RTL4: variants seen among roughly 807,000 people sequenced by gnomAD.
RTL4 encodes the protein retrotransposon Gag-like protein 4.
Under a neutral mutation model 5.3 loss-of-function variants are expected in RTL4, and 4 were observed. The observed-to-expected ratio is 0.75, with a 90% CI of 0.37 to 1.72. The LOEUF is 1.72. Ranked by LOEUF, RTL4 falls within the 40% of genes most tolerant of loss-of-function variation. The pLI, the probability that RTL4 is intolerant of heterozygous loss-of-function variation, is 0.04. For missense variants in RTL4, 260 were observed against 227.1 expected (o/e 1.14, Z -0.93); for synonymous variants, 98 against 87.3 (o/e 1.12, Z -0.68).
the RTL4 span, among the ~76,000 whole-genome samples, chrX:112,175,676 A>G: frequency 1.7e-4 from 19 of 111,591 alleles, no homozygotes; most frequent in African/African-American, 5.9e-4. Context: ...ACAAAATTCA[A>G]CAACGCTTCA....
At chrX:112,120,477 T>C in the RTL4 span, among the ~76,000 whole-genome samples, 5 of 110,443 alleles carry the variant, frequency 4.5e-5, no homozygotes, top group East Asian at 5.7e-4. Context: ...GGGGTTTCAC[T>C]GTGTTAGCCA....
At chrX:112,400,822 T>A in the RTL4 span, among the ~76,000 whole-genome samples, 1 of 111,700 alleles carries the variant, frequency 9.0e-6, no homozygotes, top group African/African-American at 3.3e-5. Context: ...ACTGTGCAAA[T>A]CTCTATAGTT....
the RTL4 span, among the ~76,000 whole-genome samples, chrX:112,129,511 C>A: frequency 8.9e-6 from 1 of 111,765 alleles, no homozygotes; most frequent in African/African-American, 3.3e-5. Context: ...TAGCAAAAAA[C>A]AAACAAACAA....
At chrX:112,164,823 C>T in the RTL4 span, among the ~76,000 whole-genome samples, 1 of 111,711 alleles carries the variant, frequency 9.0e-6, no homozygotes, top group Non-Finnish European at 1.9e-5. Context: ...CCTCTGGGTG[C>T]CTCCCTCAAT....
the RTL4 span, among the ~76,000 whole-genome samples, chrX:112,188,787 C>T: frequency 9.0e-6 from 1 of 111,135 alleles, no homozygotes; most frequent in Non-Finnish European, 1.9e-5. Context: ...ATCCCCCCCG[C>T]CTCCCATTTT....
chrX:112,393,224 A>G, the RTL4 span, among the ~76,000 whole-genome samples: 1 of 92,868 alleles, frequency 1.1e-5, no homozygotes, highest in East Asian at 3.3e-4. Flanking sequence ...ACGAGGCTGG[A>G]GTGCAGTGGC....
chrX:112,408,690 T>C, the RTL4 span, among the ~76,000 whole-genome samples: 28 of 111,263 alleles, frequency 2.5e-4, no homozygotes, highest in African/African-American at 9.1e-4. Context: ...AGATTTAACC[T>C]AAAGAAGATT....
the RTL4 span, among the ~76,000 whole-genome samples, chrX:112,288,675 G>A: frequency 9.0e-6 from 1 of 111,642 alleles, no homozygotes; most frequent in Non-Finnish European, 1.9e-5. Context: ...ATATTTTGTT[G>A]GTTGGCTGGG....
chrX:112,087,633 C>A, the RTL4 span, among the ~76,000 whole-genome samples: 1 of 111,368 alleles, frequency 9.0e-6, no homozygotes, highest in African/African-American at 3.3e-5. Flanking sequence ...ATGGGAGGTT[C>A]CTACAGAGTA....
At chrX:112,161,771 G>C in the RTL4 span, among the ~76,000 whole-genome samples, 1 of 109,468 alleles carries the variant, frequency 9.1e-6, no homozygotes, top group Non-Finnish European at 1.9e-5. Context: ...TAGGCCTTGG[G>C]CTTGCCAGGT....
chrX:112,368,930 T>C, the RTL4 span, among the ~76,000 whole-genome samples: 1 of 112,663 alleles, frequency 8.9e-6, no homozygotes, highest in Non-Finnish European at 1.9e-5. Flanking sequence ...TAAGTCAGTT[T>C]TCAAGAGTAT....
the RTL4 span, among the ~76,000 whole-genome samples, chrX:112,446,628 A>G: frequency 8.9e-6 from 1 of 112,366 alleles, no homozygotes; most frequent in Non-Finnish European, 1.9e-5. Flanking sequence ...CGAGTGGATC[A>G]CTTGAGGCCA....
chrX:112,083,677 G>T, the RTL4 span, among the ~76,000 whole-genome samples: 21 of 111,730 alleles, frequency 1.9e-4, no homozygotes, highest in African/African-American at 6.5e-4. Flanking sequence ...GGAGGGAGAG[G>T]GGCGGTGTCA....
chrX:112,283,119 A>G, the RTL4 span, among the ~76,000 whole-genome samples: 2 of 111,484 alleles, frequency 1.8e-5, no homozygotes, highest in Non-Finnish European at 3.8e-5. Context: ...CTTTCAGAAA[A>G]TCTGTTTTGG....
At chrX:112,360,547 A>AT in the RTL4 span, among the ~76,000 whole-genome samples, 149 of 105,757 alleles carry the variant, frequency 1.4e-3, no homozygotes, top group African/African-American at 2.9e-3. Context: ...TAGCGTTTAA[A>AT]TTTTTTTTTT....
the RTL4 span, among the ~76,000 whole-genome samples, chrX:112,289,144 T>C: frequency 2.6e-4 from 29 of 112,153 alleles, no homozygotes; most frequent in Admixed American, 4.7e-4. Flanking sequence ...GACTGAAGTA[T>C]AAAAAGCTTA....
the RTL4 span, among the ~76,000 whole-genome samples, chrX:112,347,546 T>G: frequency 9.0e-6 from 1 of 111,620 alleles, no homozygotes; most frequent in Non-Finnish European, 1.9e-5. Flanking sequence ...CCAGGTGGAC[T>G]GAGATACAAT....
chrX:112,247,851 C>T, the RTL4 span, among the ~76,000 whole-genome samples: 271 of 111,800 alleles, frequency 2.4e-3, 1 homozygote, highest in Non-Finnish European at 4.2e-3. Context: ...TTGGCCTCAA[C>T]TTGAGCTAGT....
chrX:112,452,257 AT>A (rs760522980), upstream of RTL4, among the ~76,000 whole-genome samples: 24,117 of 65,402 alleles, frequency 0.37, 5,280 homozygotes, highest in Non-Finnish European at 0.46. Context: ...CGCGCAGCTA[AT>A]TTTTTTTTTT....
Sources: allele counts gnomAD v4.1 joint callset (sites outside exome capture counted in the v4.1 genomes callset), GRCh38; gene constraint gnomAD v4.1.1; transcripts MANE v1.5; gene names NCBI Gene and HGNC (gene_info 2026-07-23, HGNC 2026-07-21).